PALM2AKAP2: variants seen among roughly 807,000 people sequenced by gnomAD.
PALM2AKAP2 encodes PALM2 and AKAP2 fusion, also known as PALM2-AKAP2 fusion protein.
A neutral mutation model predicts 71.5 loss-of-function variants in PALM2AKAP2; 37 were observed. The ratio of observed to expected loss-of-function variants is 0.52; its 90% CI spans 0.40 to 0.68. The LOEUF is 0.68. Ranked by LOEUF, PALM2AKAP2 falls within the 30% of genes least tolerant of loss-of-function variation. The pLI is 0.00. For missense variants in PALM2AKAP2, 1,224 were observed against 1,191.8 expected (o/e 1.03, Z -0.40); for synonymous variants, 468 against 478.8 (o/e 0.98, Z 0.29).
chr9:110,065,327 C>T (rs1834055148), intron 1 of PALM2AKAP2, among the ~76,000 whole-genome samples: 1 of 152,142 alleles, frequency 6.6e-6, no homozygotes, highest in Admixed American at 6.5e-5. Context: ...CTCCTGGGCC[C>T]AAGCGATACT....
At chr9:109,799,391 G>C (rs991041664) in intron 1 of PALM2AKAP2, among the ~76,000 whole-genome samples, 19 of 152,214 alleles carry the variant, frequency 1.2e-4, no homozygotes, top group African/African-American at 4.3e-4. Context: ...ATGAGGCAGG[G>C]AGCTGCTCCA....
intron 3 of PALM2AKAP2, among the ~76,000 whole-genome samples, chr9:109,899,561 C>T (rs1481566932): frequency 1.4e-5 from 2 of 146,904 alleles, no homozygotes; most frequent in African/African-American, 2.4e-5. Flanking sequence ...AAACCCTTTA[C>T]CTGTTTTCCT....
At chr9:110,070,658 A>G (rs1289096078) in intron 1 of PALM2AKAP2, among the ~76,000 whole-genome samples, 1 of 152,120 alleles carries the variant, frequency 6.6e-6, no homozygotes, top group African/African-American at 2.4e-5. Context: ...GTTCTGCTTA[A>G]TACATGTTTA....
intron 1 of PALM2AKAP2, chr9:109,862,846 T>C (rs1829349324): frequency 2.0e-6 from 1 of 496,150 alleles, no homozygotes; most frequent in Non-Finnish European, 4.0e-6. Flanking sequence ...CATCGATTAT[T>C]GTTAGAGGAA....
At chr9:109,703,714 T>A (rs1356360994) in intron 1 of PALM2AKAP2, among the ~76,000 whole-genome samples, 3 of 147,726 alleles carry the variant, frequency 2.0e-5, no homozygotes, top group African/African-American at 7.3e-5. Flanking sequence ...GATCCTGCAG[T>A]GTGATTGTGT....
chr9:110,033,869 C>T (rs1833331263), intron 7 of PALM2AKAP2, among the ~76,000 whole-genome samples: 1 of 152,190 alleles, frequency 6.6e-6, no homozygotes. Context: ...AATTGAGAAT[C>T]TAAAAGGTGT....
chr9:110,171,815 A>T (rs1367583777), exon 4 of PALM2AKAP2: 1 of 152,640 alleles, frequency 6.6e-6, no homozygotes, highest in Admixed American at 6.5e-5. Flanking sequence ...GAAGTATTGC[A>T]TTCTGCCGTG....
Position 109,925,393 on chromosome 9 carries a change from C to T in PALM2AKAP2, c.394+311C>T, listed in dbSNP as rs974255443. Among the ~76,000 whole-genome samples, 5 of 151,974 alleles carry T rather than the reference C, an allele frequency of 3.3e-5. 1 individual carries two copies. Among genetic ancestry groups the T allele is most frequent in the Admixed American group, 1.3e-4 (2 of 15,256 alleles). On this transcript the variant is annotated intron_variant, in intron 5 of 9. Transcript: ENST00000302798. ...GGTACCCAGCAAAGAAGAGTACTAA[C>T]ATCAGGACCTGGTCCCTTGTAGGGA...
At chr9:109,929,264 T>A (rs1334756168) in intron 5 of PALM2AKAP2, among the ~76,000 whole-genome samples, 1 of 150,572 alleles carries the variant, frequency 6.6e-6, no homozygotes, top group Non-Finnish European at 1.5e-5. Flanking sequence ...GGCTCCAGCC[T>A]CCATCTTATT....
chr9:109,677,859 A>T (rs1008771410), intron 1 of PALM2AKAP2, among the ~76,000 whole-genome samples: 1 of 152,184 alleles, frequency 6.6e-6, no homozygotes, highest in Non-Finnish European at 1.5e-5. Context: ...TAAAATATGC[A>T]ATACAAATGG....
intron 1 of PALM2AKAP2, among the ~76,000 whole-genome samples, chr9:109,753,663 T>A: frequency 6.6e-6 from 1 of 152,156 alleles, no homozygotes; most frequent in Non-Finnish European, 1.5e-5. Context: ...CCATATATCA[T>A]GGGGAATTTG....
chr9:109,868,360 A>G (rs1322571220), intron 2 of PALM2AKAP2, among the ~76,000 whole-genome samples: 5 of 152,204 alleles, frequency 3.3e-5, no homozygotes, highest in African/African-American at 1.2e-4. Context: ...ACCACATTCC[A>G]ATGGCCAGCC....
In PALM2AKAP2 at chr9:109,950,420, G is replaced by A. The variant is rs754342013; in HGVS notation, c.496+18392G>A. Among the ~76,000 whole-genome samples, 212 of 152,260 alleles carry A rather than the reference G, an allele frequency of 1.4e-3. 1 individual carries two copies. The highest frequency in any genetic ancestry group is 2.7e-3 in the Non-Finnish European group (187 of 68,004). On this transcript the variant is annotated intron_variant, in intron 6 of 9. Transcript: ENST00000302798. The stretch of plus-strand genomic sequence containing the variant: ...CCATAAAGGAGATTCTGAATTTTTA[G>A]AGTTCCTGAATATTTTCCCCCAAGT...
chr9:109,858,182 A>G (rs752513192), intron 1 of PALM2AKAP2, among the ~76,000 whole-genome samples: 14 of 152,320 alleles, frequency 9.2e-5, no homozygotes, highest in Non-Finnish European at 1.6e-4. Flanking sequence ...CTTACTAGCC[A>G]TGTGACCCTG....
At chr9:110,024,852 C>A (rs1038326970) in intron 7 of PALM2AKAP2, 10 of 711,632 alleles carry the variant, frequency 1.4e-5, no homozygotes, top group African/African-American at 1.1e-4. Context: ...GCCCAGAGGT[C>A]TTTTATTTAT....
At chr9:109,928,927 A>G (rs895055167) in intron 5 of PALM2AKAP2, among the ~76,000 whole-genome samples, 6 of 152,198 alleles carry the variant, frequency 3.9e-5, no homozygotes, top group South Asian at 2.1e-4. Context: ...TCAGCCTCCC[A>G]AAGTGTTGGG....
At chr9:110,083,150 CA>C (rs1254099471) in intron 1 of PALM2AKAP2, among the ~76,000 whole-genome samples, 1 of 151,606 alleles carries the variant, frequency 6.6e-6, no homozygotes, top group Non-Finnish European at 1.5e-5. Context: ...TCAAAAAAAG[CA>C]AAAAAACAAA....
chr9:109,831,142 T>TACAC (rs111681992), intron 1 of PALM2AKAP2, among the ~76,000 whole-genome samples: 2,492 of 135,008 alleles, frequency 0.018, 26 homozygotes, highest in East Asian at 0.04. Context: ...ATACTTCCCC[T>TACAC]ACACACACAC....
chr9:109,821,277 C>T (rs1265989383), intron 1 of PALM2AKAP2, among the ~76,000 whole-genome samples: 1 of 152,148 alleles, frequency 6.6e-6, no homozygotes, highest in Non-Finnish European at 1.5e-5. Context: ...CGCATGTATA[C>T]ATATGTAACA....
Sources: gnomAD v4.1 joint callset for allele counts (sites outside exome capture counted in the v4.1 genomes callset) on GRCh38, gnomAD v4.1.1 for gene constraint, MANE v1.5 for transcripts, NCBI Gene and HGNC (gene_info 2026-07-23, HGNC 2026-07-21) for gene names.